Variants in GNL3L observed in about 807,000 individuals in gnomAD.
GNL3L encodes the protein guanine nucleotide-binding protein-like 3-like protein.
GNL3L carries 4 observed loss-of-function variants against 42.9 expected under a neutral mutation model. That is an observed-to-expected ratio of 0.09 (90% CI 0.05 to 0.21). The LOEUF is 0.21. Ranked by LOEUF, GNL3L falls within the 10% of genes least tolerant of loss-of-function variation. The probability of loss-of-function intolerance (pLI) is 1.00; values close to 1 mark genes in which losing one functional copy is unlikely to be tolerated. For synonymous variants in GNL3L, 159 were observed against 176.3 expected, an observed-to-expected ratio of 0.90 and a Z score of 0.78; for missense variants, 412 against 481.7, an observed-to-expected ratio of 0.86 and a Z score of 1.36.
At chrX:54,590,401 T>C (rs1040208183) in intron 16 of GNL3L, among the ~76,000 whole-genome samples, 1 of 112,165 alleles carries the variant, frequency 8.9e-6, no homozygotes, top group Non-Finnish European at 1.9e-5. Flanking sequence ...TTTGATCAAA[T>C]TTTTAGTTTT....
intron 16 of GNL3L, among the ~76,000 whole-genome samples, chrX:54,583,942 C>T (rs1925748510): frequency 9.0e-6 from 1 of 111,456 alleles, no homozygotes; most frequent in South Asian, 3.7e-4. Flanking sequence ...TGCACCCAGC[C>T]CAAATTCAAC....
intron 14 of GNL3L, among the ~76,000 whole-genome samples, chrX:54,555,247 C>T (rs1925056091): frequency 9.1e-6 from 1 of 110,217 alleles, no homozygotes; most frequent in Non-Finnish European, 1.9e-5. Context: ...CCCCTGACCT[C>T]GGGTGATCTG....
Position 54,564,131 on chromosome X carries a change from C to T in GNL3L, c.*3529C>T, listed in dbSNP as rs149265733. The stretch of plus-strand genomic sequence containing the variant: ...CCCCTATAGTTTTGCTTTAGTATGA[C>T]TGTCATATCAATAGAATCATACAAT... On this transcript the variant is annotated 3_prime_UTR_variant, in exon 16 of 16. Transcript: ENST00000360845. Among the ~76,000 whole-genome samples, 1,814 of 110,989 alleles carry T rather than the reference C, an allele frequency of 0.016. 13 individuals are homozygous for T. The highest frequency in any genetic ancestry group is 0.052 in the Middle Eastern group (11 of 213).
intron 16 of GNL3L, among the ~76,000 whole-genome samples, chrX:54,606,687 A>G (rs1161090124): frequency 2.0e-5 from 2 of 99,503 alleles, no homozygotes; most frequent in Non-Finnish European, 4.0e-5. Flanking sequence ...GTCTCCCAGT[A>G]TGGAATGTAG....
At chrX:54,599,451 G>A (rs1276065130) in intron 16 of GNL3L, among the ~76,000 whole-genome samples, 1 of 111,315 alleles carries the variant, frequency 9.0e-6, no homozygotes, top group Non-Finnish European at 1.9e-5. Context: ...AGAAATCTGT[G>A]TGCTATAATC....
intron 16 of GNL3L, among the ~76,000 whole-genome samples, chrX:54,608,482 G>A (rs1191893061): frequency 1.8e-5 from 2 of 110,637 alleles, no homozygotes; most frequent in African/African-American, 6.6e-5. Flanking sequence ...CAACATATTT[G>A]TAGTCTTTTA....
the GNL3L span, among the ~76,000 whole-genome samples, chrX:54,638,566 G>T: frequency 2.7e-5 from 3 of 111,671 alleles, no homozygotes; most frequent in Non-Finnish European, 5.6e-5. Context: ...CGCCTCCCGG[G>T]TTCAAGCGTT....
intron 16 of GNL3L, among the ~76,000 whole-genome samples, chrX:54,610,155 C>T (rs186816804): frequency 9.3e-4 from 104 of 111,301 alleles, no homozygotes; most frequent in African/African-American, 2.9e-3. Context: ...TCTGCTTGGT[C>T]GCTCTTGGTA....
chrX:54,620,281 G>A (rs760088927), intron 16 of GNL3L, among the ~76,000 whole-genome samples: 10 of 110,047 alleles, frequency 9.1e-5, no homozygotes, highest in African/African-American at 2.0e-4. Context: ...CACCACCCCC[G>A]CACCCCCATT....
At chrX:54,620,862 T>C (rs1240465054) in exon 17 of GNL3L, among the ~76,000 whole-genome samples, 1 of 112,244 alleles carries the variant, frequency 8.9e-6, no homozygotes, top group Non-Finnish European at 1.9e-5. Context: ...TCCTCATGGT[T>C]TCACAATGGC....
intron 16 of GNL3L, among the ~76,000 whole-genome samples, chrX:54,578,964 C>T (rs752913553): frequency 5.4e-4 from 61 of 112,092 alleles, no homozygotes; most frequent in Non-Finnish European, 1.1e-3. Context: ...GCATTTCTCT[C>T]GTGACTAATG....
chrX:54,573,898 C>T (rs1467803358), intron 16 of GNL3L, among the ~76,000 whole-genome samples: 2 of 106,485 alleles, frequency 1.9e-5, no homozygotes, highest in African/African-American at 3.4e-5. Context: ...GATTTGATGC[C>T]AGGCCCTGTG....
At chrX:54,632,250 G>A in the GNL3L span, among the ~76,000 whole-genome samples, 499 of 111,274 alleles carry the variant, frequency 4.5e-3, 2 homozygotes, top group African/African-American at 0.015. Flanking sequence ...TGTGTATCTA[G>A]GTGATGATCT....
chrX:54,607,042 TTCTTTCTTTCTTTCTTTCTTTC>T (rs1926082073), intron 16 of GNL3L, among the ~76,000 whole-genome samples: 1 of 69,958 alleles, frequency 1.4e-5, no homozygotes, highest in South Asian at 7.2e-4. Flanking sequence ...CTTTCTTTCT[TTCTTTCTTTCTTTCTTTCTTTC>T]TTTCTTTCTC....
the GNL3L span, among the ~76,000 whole-genome samples, chrX:54,627,811 C>T: frequency 2.7e-5 from 3 of 111,350 alleles, no homozygotes; most frequent in African/African-American, 9.8e-5. Flanking sequence ...TTTACTGTTT[C>T]CAAAATTCCT....
In GNL3L at chrX:54,564,598, G is replaced by A. The variant is rs1925369959; in HGVS notation, c.*3996G>A. ...AATTTTTGTATTTTTAGTAGAGATG[G>A]GGTTTCACTGTTTTGGCCAGGCTGG... On this transcript the variant is annotated 3_prime_UTR_variant, in exon 16 of 16. Transcript: ENST00000360845. Among the ~76,000 whole-genome samples the A allele has an allele frequency of 9.4e-6, 1 of 106,249 alleles. No homozygotes were observed. The highest frequency in any genetic ancestry group is 4.2e-4 in the South Asian group (1 of 2,401). The allele number at this position is 106,249 out of a possible 115,157, so 92.3% of individuals were successfully genotyped here.
chrX:54,551,174 A>G, intron 10 of GNL3L, 124 bp downstream of exon 10: 1 of 508,967 alleles, frequency 2.0e-6, no homozygotes, highest in Non-Finnish European at 3.4e-6. Context: ...TTCCCCAGGC[A>G]TGGGAGTCTC....
chrX:54,590,371 A>T (rs1350307393), intron 16 of GNL3L, among the ~76,000 whole-genome samples: 1 of 112,313 alleles, frequency 8.9e-6, no homozygotes, highest in Non-Finnish European at 1.9e-5. Context: ...AGAAATGTCT[A>T]TTCAAATATT....
intron 16 of GNL3L, among the ~76,000 whole-genome samples, chrX:54,572,500 C>T (rs1398544129): frequency 8.0e-5 from 9 of 112,070 alleles, no homozygotes; most frequent in East Asian, 2.9e-4. Context: ...CATCCTGGCC[C>T]GTTCTCAATG....
Sources: allele counts gnomAD v4.1 joint callset (sites outside exome capture counted in the v4.1 genomes callset), GRCh38; gene constraint gnomAD v4.1.1; transcripts MANE v1.5; gene names NCBI Gene and HGNC (gene_info 2026-07-23, HGNC 2026-07-21).